PPP1R18: variants seen among roughly 807,000 people sequenced by gnomAD.
The protein encoded by PPP1R18 is phostensin.
A neutral mutation model predicts 54.8 loss-of-function variants in PPP1R18; 31 were observed. The observed-to-expected ratio is 0.57, with a 90% CI of 0.43 to 0.76. The LOEUF is 0.76. Ranked by LOEUF, PPP1R18 falls within the 30% of genes least tolerant of loss-of-function variation. PPP1R18 has a pLI of 0.00. For synonymous variants in PPP1R18, 310 were observed against 320.2 expected, an observed-to-expected ratio of 0.97 and a Z score of 0.34; for missense variants, 685 against 776.1, an observed-to-expected ratio of 0.88 and a Z score of 1.39.
Position 30,676,940 on chromosome 6 carries a change from G to C in PPP1R18, c.*329C>G. 2.0e-6 allele frequency: 1 copy of C among 492,422 alleles called. No individual in the cohort carries two copies. Among genetic ancestry groups the C allele is most frequent in the African/African-American group, 2.0e-5 (1 of 49,972 alleles). 30.5% of individuals were successfully genotyped at this position (492,422 alleles called of 1,614,324 possible). A position where few individuals can be genotyped will look rare whatever the true frequency, so the allele number is the denominator to read the frequency against. ...ACGGGATGGTGGGGAGGAAGGCTGT[G>C]GGGAGAGTGTACCCTGCCATGGGGG... is the stretch of plus-strand genomic sequence containing the variant. On this transcript the variant is annotated 3_prime_UTR_variant, in exon 3 of 3. Transcript: ENST00000274853.
At position 30,679,249 on chromosome 6, in the gene PPP1R18, C is replaced by A; in HGVS notation, c.1752G>T (p.Glu584Asp). ...GCAGCAGCAGCAGCTCTTCCTCATC[C>A]TCTTCGTCGTCGGGTTGGGCTGCTG... ...NPPAAQPDDE[E>D]DEEELLLLQP... Residue 584 changes from glutamate to aspartate, a missense_variant, in exon 2 of 3, where the codon GAG (glutamate) becomes GAT (aspartate). Coordinates refer to ENST00000274853, the MANE Select transcript of PPP1R18 (RefSeq NM_133471.4). 1 of 1,576,428 alleles carries A rather than the reference C, an allele frequency of 6.3e-7. No individual in the cohort carries two copies. Among genetic ancestry groups the A allele is most frequent in the Non-Finnish European group, 8.6e-7 (1 of 1,161,112 alleles).
Position 30,684,315 on chromosome 6 carries a change from C to T in PPP1R18, c.1611+93G>A. ...ATTAACAAGAAAGAATAGAGGAAGACAAGAAAACAGGGGTATAAAAAAGAA... is the reference window on the plus strand; with the variant it reads ...ATTAACAAGAAAGAATAGAGGAAGATAAGAAAACAGGGGTATAAAAAAGAA... On this transcript the variant is annotated intron_variant, in intron 1 of 2. Coordinates refer to ENST00000274853, the MANE Select transcript of PPP1R18 (RefSeq NM_133471.4). The surrounding 1 kb of genome is among the most constrained non-coding windows in gnomAD (Gnocchi z 6.0). The T allele has an allele frequency of 7.8e-7, 1 of 1,283,800 alleles. No individual in the cohort carries two copies. The highest frequency in any genetic ancestry group is 1.1e-6 in the Non-Finnish European group (1 of 939,762). 79.5% of individuals were successfully genotyped at this position (1,283,800 alleles called of 1,614,324 possible). A position where few individuals can be genotyped will look rare whatever the true frequency, so the allele number is the denominator to read the frequency against.
chr6:30,685,231 A>G lies in PPP1R18; in HGVS notation c.788T>C (p.Leu263Pro), dbSNP rs576268450. The G allele has an allele frequency of 6.2e-7, 1 of 1,612,942 alleles. No individual in the cohort carries two copies. ...LVQLEATEWR[L>P]RSGEERQDYS... ...GTCTTGTCTTTCTTCTCCTGACCTC[A>G]GCCTCCACTCTGTTGCCTCCAGTTG... The change falls in exon 1 of 3, where the codon CTG (leucine) becomes CCG (proline). Residue 263 changes from leucine (L) to proline (P), a missense_variant. Physicochemically the swap from Leu to Pro is moderately conservative, Grantham distance 98. Coordinates refer to ENST00000274853, the MANE Select transcript of PPP1R18 (RefSeq NM_133471.4). This position sits in a 1 kb window ranked among gnomAD's most constrained non-coding sequence, Gnocchi z 5.0.
Position 30,685,655 on chromosome 6 carries a change from G to A in PPP1R18, c.364C>T (p.Arg122Trp), listed in dbSNP as rs549160271. Residue 122 changes from arginine (R) to tryptophan (W), a missense_variant, in exon 1 of 3, where the codon CGG (arginine) becomes TGG (tryptophan). Coordinates refer to ENST00000274853, the MANE Select transcript of PPP1R18 (RefSeq NM_133471.4). This position sits in a 1 kb window ranked among gnomAD's most constrained non-coding sequence, Gnocchi z 5.0. ...RKPGPLEARE[R>W]RPSPGEMRDQ... Reference sequence around the variant, plus strand: ...CGCATCTCCCCAGGGCTGGGTCTCCGCTCCCGGGCCTCCAGAGGCCCAGGC... The same window carrying A: ...CGCATCTCCCCAGGGCTGGGTCTCCACTCCCGGGCCTCCAGAGGCCCAGGC... The A allele has an allele frequency of 3.5e-5, 56 of 1,612,846 alleles. No homozygotes were observed. The South Asian group carries it at 5.2e-4, about 15-fold the overall frequency.
intron 1 of PPP1R18, among the ~76,000 whole-genome samples, chr6:30,682,610 C>T (rs1770610665): frequency 6.6e-6 from 1 of 151,912 alleles, no homozygotes; most frequent in Admixed American, 6.6e-5. Context: ...GCCTCCTCCC[C>T]ACCCCCACCC....
In PPP1R18 at chr6:30,685,999, C is replaced by T. The variant is rs759283283; in HGVS notation, c.20G>A (p.Trp7Ter). Residue 7 changes from tryptophan to a stop codon, truncating the protein, a stop_gained, in exon 1 of 3, where the codon TGG (tryptophan) becomes TAG (stop). Coordinates refer to ENST00000274853, the MANE Select transcript of PPP1R18 (RefSeq NM_133471.4). LOFTEE classifies it high-confidence loss of function. The surrounding 1 kb of genome is among the most constrained non-coding windows in gnomAD (Gnocchi z 5.0). ...GCGCCGGGCTAGCAGCTGTAGCTTC[C>T]AGTCTGGGATGGTGGCCATGGTCGT... is the stretch of plus-strand genomic sequence containing the variant. MATIPD[W>*]KLQLLARRRQ... 13 of 1,581,402 alleles carry T rather than the reference C, an allele frequency of 8.2e-6. No homozygotes were observed. Among genetic ancestry groups the T allele is most frequent in the Non-Finnish European group, 1.0e-5 (12 of 1,169,772 alleles).
chr6:30,678,979 C>T (rs1210086928), intron 2 of PPP1R18, among the ~76,000 whole-genome samples, 200 bp downstream of exon 2: 1 of 152,182 alleles, frequency 6.6e-6, no homozygotes, highest in African/African-American at 2.4e-5. Context: ...GAAGAGTTCT[C>T]GTTTTGAAAC....
Position 30,676,946 on chromosome 6 carries a change from AGT to A in PPP1R18, c.*321_*322del. ...TGGTGGGGAGGAAGGCTGTGGGGAGAGTGTACCCTGCCATGGGGGGCAGGTGC... is the reference window on the plus strand; with the variant it reads ...TGGTGGGGAGGAAGGCTGTGGGGAGAGTACCCTGCCATGGGGGGCAGGTGC... On this transcript the variant is annotated 3_prime_UTR_variant, in exon 3 of 3. Coordinates refer to ENST00000274853, the MANE Select transcript of PPP1R18 (RefSeq NM_133471.4). The A allele has an allele frequency of 5.9e-6, 3 of 505,800 alleles. No individual in the cohort carries two copies. Among genetic ancestry groups the A allele is most frequent in the Non-Finnish European group, 1.1e-5 (3 of 285,340 alleles). The allele number at this position is 505,800 out of a possible 1,614,324, so 31.3% of individuals were successfully genotyped here.
rs550774894 is a variant in PPP1R18 at position 30,680,033 on chromosome 6, G to T, written c.1612-644C>A. ...GGAAGAGATGGGAGATGAACAGAAA[G>T]GCCGAGAGGAACCAAGAGACTCCAG... On this transcript the variant is annotated intron_variant, in intron 1 of 2. Coordinates refer to ENST00000274853, the MANE Select transcript of PPP1R18 (RefSeq NM_133471.4). Among the ~76,000 whole-genome samples, 4 of 152,280 alleles carry T rather than the reference G, an allele frequency of 2.6e-5. No homozygotes were observed. In the South Asian group the frequency reaches 6.2e-4, roughly 24 times the overall value.
Position 30,684,849 on chromosome 6 carries a change from C to G in PPP1R18, c.1170G>C (p.Leu390=). 1 of 1,612,852 alleles carries G rather than the reference C, an allele frequency of 6.2e-7. No individual in the cohort carries two copies. Among genetic ancestry groups the G allele is most frequent in the Non-Finnish European group, 8.5e-7 (1 of 1,180,002 alleles). Reference sequence around the variant, plus strand: ...CAGAGCAGCAGTTCTGCAGGGCTCTCAGAGGCCTGCCCTGAGCCCCCGCCT... The same window carrying G: ...CAGAGCAGCAGTTCTGCAGGGCTCTGAGAGGCCTGCCCTGAGCCCCCGCCT... ...KEEAGAQGRP[L]RALQNCCSVP... Residue 390 remains leucine (L), a synonymous_variant, in exon 1 of 3, where the codon CTG becomes CTC. Coordinates refer to ENST00000274853, the MANE Select transcript of PPP1R18 (RefSeq NM_133471.4). The surrounding 1 kb of genome is among the most constrained non-coding windows in gnomAD (Gnocchi z 6.0).
In PPP1R18 at chr6:30,684,641, G is replaced by T; in HGVS notation, c.1378C>A (p.Pro460Thr). Residue 460 changes from proline (P) to threonine (T), a missense_variant, in exon 1 of 3, where the codon CCA becomes ACA. Transcript: ENST00000274853. This position sits in a 1 kb window ranked among gnomAD's most constrained non-coding sequence, Gnocchi z 6.0. ...SRLFYGVKAGPGVGAPRRSGH... is the reference protein window; with the variant it reads ...SRLFYGVKAGTGVGAPRRSGH... ...CTGCGGCGGGGGGCCCCCACCCCTG[G>T]CCCTGCCTTCACCCCATAGAACAGG... is the stretch of plus-strand genomic sequence containing the variant. The T allele has an allele frequency of 6.5e-7, 1 of 1,529,074 alleles. No homozygotes were observed. Among genetic ancestry groups the T allele is most frequent in the Non-Finnish European group, 8.8e-7 (1 of 1,136,068 alleles). The allele number at this position is 1,529,074 out of a possible 1,614,324, so 94.7% of individuals were successfully genotyped here.
In PPP1R18 at chr6:30,686,044, GCA is replaced by G; in HGVS notation, c.-28_-27del. 1 of 1,529,362 alleles carries G rather than the reference GCA, an allele frequency of 6.5e-7. No homozygotes were observed. The highest frequency in any genetic ancestry group is 8.7e-7 in the Non-Finnish European group (1 of 1,146,226). 94.7% of individuals were successfully genotyped at this position (1,529,362 alleles called of 1,614,324 possible). ...GGTCGTCTTGAGGTGAGGGTAGGGA[GCA>G]CTGGGGACAGAGAACAGGAAGGAGA... is the stretch of plus-strand genomic sequence containing the variant. On this transcript the variant is annotated 5_prime_UTR_variant, in exon 1 of 3. Coordinates refer to ENST00000274853, the MANE Select transcript of PPP1R18 (RefSeq NM_133471.4).
intron 1 of PPP1R18, 124 bp from the exon 2 acceptor site, chr6:30,679,513 A>C: frequency 6.9e-6 from 2 of 290,222 alleles, no homozygotes; most frequent in Non-Finnish European, 6.1e-6. Flanking sequence ...GGACTGGCGG[A>C]ACGTGGGGGT....
intron 1 of PPP1R18, among the ~76,000 whole-genome samples, chr6:30,682,566 G>GCTC (rs1344236620): frequency 2.6e-5 from 4 of 152,106 alleles, no homozygotes; most frequent in African/African-American, 9.7e-5. Context: ...AGAGGGTGGA[G>GCTC]GGTGAGGCGT....
intron 2 of PPP1R18, 82 bp downstream of exon 2, chr6:30,679,097 T>A: frequency 1.6e-6 from 2 of 1,230,236 alleles, no homozygotes; most frequent in Non-Finnish European, 2.3e-6. Flanking sequence ...TGCCTACATG[T>A]AATCCTCCCT....
rs1770766242 is a variant in PPP1R18 at position 30,684,709 on chromosome 6, G to C, written c.1310C>G (p.Ala437Gly). ...CCCAGGAGGTTGGGGGGCAGTTGGGGCTGGGGGTGGGGGAGACAGAGGGGC... is the reference window on the plus strand; with the variant it reads ...CCCAGGAGGTTGGGGGGCAGTTGGGCCTGGGGGTGGGGGAGACAGAGGGGC... ...PPAPLSPPPP[A>G]PTAPQPPGDP... Residue 437 changes from alanine (A) to glycine (G), a missense_variant, in exon 1 of 3, where the codon GCC becomes GGC. Ala to Gly is a moderately conservative substitution (Grantham distance 60, BLOSUM62 0). Coordinates refer to ENST00000274853, the MANE Select transcript of PPP1R18 (RefSeq NM_133471.4). This position sits in a 1 kb window ranked among gnomAD's most constrained non-coding sequence, Gnocchi z 6.0. 6.1e-6 allele frequency: 9 copies of C among 1,478,606 alleles called. No homozygotes were observed. The highest frequency in any genetic ancestry group is 5.6e-5 in the African/African-American group (4 of 71,574). 91.6% of individuals were successfully genotyped at this position (1,478,606 alleles called of 1,614,324 possible).
intron 2 of PPP1R18, among the ~76,000 whole-genome samples, chr6:30,678,517 A>G (rs1181703321): frequency 5.9e-5 from 9 of 151,960 alleles, no homozygotes; most frequent in Admixed American, 5.9e-4. Context: ...TTGGGACTAC[A>G]GGTGCCCGCC....
intron 1 of PPP1R18, among the ~76,000 whole-genome samples, chr6:30,679,849 T>C (rs1270455763): frequency 5.9e-5 from 9 of 151,972 alleles, no homozygotes; most frequent in Non-Finnish European, 1.2e-4. Context: ...GACTGGCCAG[T>C]GGGGAAAGAA....
Position 30,676,985 on chromosome 6 carries a change from C to A in PPP1R18, c.*284G>T. 1 of 583,266 alleles carries A rather than the reference C, an allele frequency of 1.7e-6. No homozygotes were observed. Among genetic ancestry groups the A allele is most frequent in the Non-Finnish European group, 3.0e-6 (1 of 328,568 alleles). The allele number at this position is 583,266 out of a possible 1,614,324, so 36.1% of individuals were successfully genotyped here. A position where few individuals can be genotyped will look rare whatever the true frequency, so the allele number is the denominator to read the frequency against. ...TGGGGGGCAGGTGCTCCATCTCCACCCTCCAGGGAGTTCTGTGCCCCTTCT... is the reference window on the plus strand; with the variant it reads ...TGGGGGGCAGGTGCTCCATCTCCACACTCCAGGGAGTTCTGTGCCCCTTCT... On this transcript the variant is annotated 3_prime_UTR_variant, in exon 3 of 3. Coordinates refer to ENST00000274853, the MANE Select transcript of PPP1R18 (RefSeq NM_133471.4).
Sources: gnomAD v4.1 joint callset for allele counts (sites outside exome capture counted in the v4.1 genomes callset) on GRCh38, gnomAD v4.1.1 for gene constraint, Gnocchi (gnomAD v3.1) non-coding constraint, MANE v1.5 for transcripts, NCBI Gene and HGNC (gene_info 2026-07-23, HGNC 2026-07-21) for gene names.